SLC25A48: variants seen among roughly 807,000 people sequenced by gnomAD.
SLC25A48 encodes solute carrier family 25 member 48, also known as CTC-321K16.1.
Under a neutral mutation model 32.2 loss-of-function variants are expected in SLC25A48, and 29 were observed. The ratio of observed to expected loss-of-function variants is 0.90; its 90% CI spans 0.67 to 1.23. SLC25A48 has a LOEUF of 1.23. Ranked by LOEUF, SLC25A48 falls within the 50% of genes most tolerant of loss-of-function variation. SLC25A48 has a pLI of 0.00. For missense variants in SLC25A48, 399 were observed against 422.7 expected, an observed-to-expected ratio of 0.94 and a Z score of 0.49; for synonymous variants, 164 against 172.3, an observed-to-expected ratio of 0.95 and a Z score of 0.38.
chr5:135,655,954 T>A (rs1276330241), intron 3 of SLC25A48, among the ~76,000 whole-genome samples: 9 of 152,166 alleles, frequency 5.9e-5, no homozygotes, highest in Non-Finnish European at 1.0e-4. Context: ...TATTCCCCAC[T>A]GACATGCATG....
At chr5:135,592,645 G>C (rs550343143) in intron 1 of SLC25A48, among the ~76,000 whole-genome samples, 1 of 152,274 alleles carries the variant, frequency 6.6e-6, no homozygotes, top group South Asian at 2.1e-4. Flanking sequence ...GAGTGAGCGT[G>C]TGTGTATGTG....
At chr5:135,685,049 T>C (rs1190511106) in intron 3 of SLC25A48, among the ~76,000 whole-genome samples, 1 of 152,208 alleles carries the variant, frequency 6.6e-6, no homozygotes, top group Non-Finnish European at 1.5e-5. Context: ...TCTGTTTTCC[T>C]GACCTTTGCC....
intron 4 of SLC25A48, among the ~76,000 whole-genome samples, chr5:135,818,027 G>T (rs7445854): frequency 0.39 from 56,930 of 147,070 alleles, 12,379 homozygotes; most frequent in Non-Finnish European, 0.49. Flanking sequence ...ATGCAGGGGA[G>T]AGTTTCCCAG....
At chr5:135,856,366 C>T (rs546364037) in intron 4 of SLC25A48, among the ~76,000 whole-genome samples, 1 of 152,294 alleles carries the variant, frequency 6.6e-6, no homozygotes, top group South Asian at 2.1e-4. Flanking sequence ...TTCTGAGTAG[C>T]CCCTGTGTGA....
At chr5:135,722,313 G>A (rs759356678) in intron 3 of SLC25A48, among the ~76,000 whole-genome samples, 1 of 152,092 alleles carries the variant, frequency 6.6e-6, no homozygotes, top group Non-Finnish European at 1.5e-5. Context: ...ACTATCGGAG[G>A]TTCTATACTA....
intron 3 of SLC25A48, among the ~76,000 whole-genome samples, chr5:135,773,402 A>G (rs1756465869): frequency 1.3e-5 from 2 of 149,538 alleles, no homozygotes; most frequent in South Asian, 4.2e-4. Flanking sequence ...ATATCATAAA[A>G]TCCAGGGGGC....
At chr5:135,677,143 G>A (rs188507653) in intron 3 of SLC25A48, among the ~76,000 whole-genome samples, 79 of 151,850 alleles carry the variant, frequency 5.2e-4, no homozygotes, top group East Asian at 4.6e-3. Context: ...CTCTAGTGTC[G>A]GGTACATAAA....
At chr5:135,610,412 G>A (rs1477115054) in intron 1 of SLC25A48, among the ~76,000 whole-genome samples, 1 of 152,148 alleles carries the variant, frequency 6.6e-6, no homozygotes, top group Non-Finnish European at 1.5e-5. Flanking sequence ...TCCTGCCACA[G>A]AGCCTCATGC....
chr5:135,714,960 C>A (rs1580808234), intron 3 of SLC25A48: 1 of 152,592 alleles, frequency 6.6e-6, no homozygotes, highest in Non-Finnish European at 1.5e-5. Context: ...ATGCTGAGGG[C>A]AGACTGCTGA....
intron 3 of SLC25A48, among the ~76,000 whole-genome samples, chr5:135,786,099 G>A (rs572879128): frequency 1.3e-5 from 2 of 151,374 alleles, no homozygotes; most frequent in Non-Finnish European, 2.9e-5. Flanking sequence ...GGGTGGGGGA[G>A]GGTGATATTA....
At chr5:135,735,381 A>C (rs766580294) in intron 3 of SLC25A48, among the ~76,000 whole-genome samples, 33 of 152,114 alleles carry the variant, frequency 2.2e-4, no homozygotes, top group Non-Finnish European at 4.0e-4. Flanking sequence ...TGGGTGATAA[A>C]ATGCATATTT....
intron 3 of SLC25A48, among the ~76,000 whole-genome samples, chr5:135,648,395 C>T (rs1753022301): frequency 6.6e-6 from 1 of 152,232 alleles, no homozygotes; most frequent in Non-Finnish European, 1.5e-5. Context: ...TACATTCCTA[C>T]TCCAAACCTT....
intron 3 of SLC25A48, among the ~76,000 whole-genome samples, chr5:135,676,621 C>G (rs1284779425): frequency 1.3e-5 from 2 of 152,042 alleles, no homozygotes; most frequent in African/African-American, 4.8e-5. Context: ...CTTCTCAACA[C>G]TGCTTTTGCA....
At chr5:135,831,195 G>A (rs1470849236), upstream of SLC25A48, among the ~76,000 whole-genome samples, 1 of 152,210 alleles carries the variant, frequency 6.6e-6, no homozygotes, top group African/African-American at 2.4e-5. Flanking sequence ...GAAAGGCCAG[G>A]GGGAGTCCTC....
intron 3 of SLC25A48, among the ~76,000 whole-genome samples, chr5:135,796,025 A>C (rs1757165825): frequency 7.0e-6 from 1 of 142,448 alleles, no homozygotes; most frequent in African/African-American, 2.6e-5. Flanking sequence ...GGGTGGGTGT[A>C]ACTGCCCACT....
At chr5:135,842,307 C>A (rs2126704328) in intron 1 of SLC25A48, 109 bp from the exon 2 acceptor site, 3 of 1,149,432 alleles carry the variant, frequency 2.6e-6, no homozygotes, top group Non-Finnish European at 3.9e-6. Context: ...TCCCCCTACC[C>A]CAGCAATTGA....
intron 3 of SLC25A48, among the ~76,000 whole-genome samples, chr5:135,806,929 G>A (rs372849550): frequency 8.2e-5 from 12 of 146,156 alleles, no homozygotes; most frequent in Admixed American, 1.4e-4. Flanking sequence ...TATTAATATC[G>A]TAGTGTGTTA....
At chr5:135,743,423 A>G (rs1028804392) in intron 3 of SLC25A48, among the ~76,000 whole-genome samples, 1 of 151,992 alleles carries the variant, frequency 6.6e-6, no homozygotes, top group Non-Finnish European at 1.5e-5. Flanking sequence ...TCTGATGGGT[A>G]GAGGCCAGGG....
chr5:135,812,437 A>G (rs977614381), intron 3 of SLC25A48: 1 of 152,238 alleles, frequency 6.6e-6, no homozygotes, highest in Non-Finnish European at 1.5e-5. Flanking sequence ...GTAGACAACA[A>G]TAGTCCTGGT....
Sources: gnomAD v4.1 joint callset for allele counts (sites outside exome capture counted in the v4.1 genomes callset) on GRCh38, gnomAD v4.1.1 for gene constraint, MANE v1.5 for transcripts, NCBI Gene and HGNC (gene_info 2026-07-23, HGNC 2026-07-21) for gene names.